Variants in MMRN1 observed in about 807,000 individuals in gnomAD.
MMRN1 encodes multimerin-1.
Under a neutral mutation model 100.7 loss-of-function variants are expected in MMRN1, and 94 were observed. The observed-to-expected ratio is 0.93, with a 90% CI of 0.79 to 1.11. MMRN1 has a LOEUF of 1.11. MMRN1 is among the 50% of genes least tolerant of loss of function. MMRN1 has a pLI of 0.00. For synonymous variants in MMRN1, 575 were observed against 505.0 expected, an observed-to-expected ratio of 1.14 and a Z score of -1.86; for missense variants, 1,606 against 1,439.1, an observed-to-expected ratio of 1.12 and a Z score of -1.88.
In MMRN1 at chr4:89,936,546, A is replaced by G. The variant is rs150863936; in HGVS notation, c.2866A>G (p.Ile956Val). Reference sequence around the variant, plus strand: ...GTGGATAAAACATTCCCTGCCAGATATTCAACTTCTTCAGAAAGGTCTAAC... The same window carrying G: ...GTGGATAAAACATTCCCTGCCAGATGTTCAACTTCTTCAGAAAGGTCTAAC... The part of the protein sequence containing the change: ...PKWIKHSLPD[I>V]QLLQKGLTEF... Residue 956 changes from isoleucine (I) to valine (V), a missense_variant, in exon 6 of 8, where the codon ATT (isoleucine) becomes GTT (valine). Physicochemically the swap from Ile to Val is conservative, Grantham distance 29. Transcript: ENST00000264790. 4.3e-6 allele frequency: 7 copies of G among 1,612,944 alleles called. No individual in the cohort carries two copies. In the East Asian group the frequency reaches 8.9e-5, roughly 21 times the overall value.
chr4:89,952,415 T>C (rs1398823375), intron 7 of MMRN1, among the ~76,000 whole-genome samples: 1 of 152,222 alleles, frequency 6.6e-6, no homozygotes, highest in Admixed American at 6.5e-5. Flanking sequence ...TTTTTCTTAA[T>C]AATATCCTGC....
intron 7 of MMRN1, 108 bp from the exon 8 acceptor site, chr4:89,952,888 CT>C: frequency 1.8e-6 from 2 of 1,092,750 alleles, no homozygotes; most frequent in Non-Finnish European, 2.6e-6. Context: ...GATGGCCTTT[CT>C]CTTCTGCTAA....
Position 89,944,480 on chromosome 4 carries a change from A to G in MMRN1, c.3119-7125A>G, listed in dbSNP as rs569778871. ...CCAAAAAATTAAAAAATATTTAAAT[A>G]TGAGACTTTTAACAGACAATGATGA... On this transcript the variant is annotated intron_variant, in intron 6 of 7. Coordinates refer to ENST00000264790, the MANE Select transcript of MMRN1 (RefSeq NM_007351.3). Among the ~76,000 whole-genome samples the G allele has an allele frequency of 1.7e-4, 26 of 152,358 alleles. No individual in the cohort carries two copies. The South Asian group carries it at 3.5e-3, about 21-fold the overall frequency.
chr4:89,946,413 T>C (rs1722987631), intron 6 of MMRN1, among the ~76,000 whole-genome samples: 1 of 152,182 alleles, frequency 6.6e-6, no homozygotes, highest in Admixed American at 6.5e-5. Flanking sequence ...ATTTTGATGC[T>C]AAAGTAGAAG....
intron 6 of MMRN1, among the ~76,000 whole-genome samples, chr4:89,940,072 C>T (rs1187650822): frequency 6.6e-6 from 1 of 152,120 alleles, no homozygotes; most frequent in Non-Finnish European, 1.5e-5. Flanking sequence ...TATTCTGGTT[C>T]AATTGCTAAA....
chr4:89,910,226 T>G (rs1181703072), intron 2 of MMRN1, among the ~76,000 whole-genome samples: 2 of 151,370 alleles, frequency 1.3e-5, no homozygotes, highest in Non-Finnish European at 3.0e-5. Flanking sequence ...TCTTAGGGAT[T>G]TGGGAGAGCT....
intron 3 of MMRN1, among the ~76,000 whole-genome samples, chr4:89,918,337 T>C (rs1208469635): frequency 1.3e-5 from 2 of 151,720 alleles, no homozygotes; most frequent in African/African-American, 4.8e-5. Flanking sequence ...GAGTGTCATC[T>C]CTGAAAATCA....
intron 1 of MMRN1, among the ~76,000 whole-genome samples, chr4:89,898,810 T>C (rs763443): frequency 0.59 from 89,015 of 151,830 alleles, 26,757 homozygotes; most frequent in East Asian, 0.78. Flanking sequence ...GCCTTTCTAA[T>C]CGCTCCTACA....
At position 89,936,567 on chromosome 4, in the gene MMRN1, C is replaced by G. The variant is rs1722648401; in HGVS notation, c.2887C>G (p.Leu963Val). The change falls in exon 6 of 8, where the codon CTA (leucine) becomes GTA (valine). Residue 963 changes from leucine to valine, a missense_variant. Coordinates refer to ENST00000264790, the MANE Select transcript of MMRN1 (RefSeq NM_007351.3). ...LPDIQLLQKG[L>V]TEFVEPIIQI... ...AGATATTCAACTTCTTCAGAAAGGT[C>G]TAACAGAATTTGTGGAACCAATAAT... 1.2e-6 allele frequency: 2 copies of G among 1,612,404 alleles called. No individual in the cohort carries two copies. The highest frequency in any genetic ancestry group is 1.7e-6 in the Non-Finnish European group (2 of 1,179,458).
intron 3 of MMRN1, among the ~76,000 whole-genome samples, chr4:89,917,188 T>C (rs568992695): frequency 6.6e-6 from 1 of 151,950 alleles, no homozygotes; most frequent in South Asian, 2.1e-4. Flanking sequence ...AAAACATTGT[T>C]ATAATCTTCA....
At chr4:89,905,552 G>A (rs1721540983) in intron 1 of MMRN1, among the ~76,000 whole-genome samples, 1 of 151,484 alleles carries the variant, frequency 6.6e-6, no homozygotes, top group African/African-American at 2.4e-5. Flanking sequence ...GCATGGGTGG[G>A]TATTAGGTGA....
intron 7 of MMRN1, among the ~76,000 whole-genome samples, chr4:89,952,767 G>A (rs1168011516): frequency 6.6e-6 from 1 of 152,070 alleles, no homozygotes; most frequent in Non-Finnish European, 1.5e-5. Flanking sequence ...TTTTTATTCT[G>A]TCCTGATCTA....
chr4:89,953,004 C>CAA lies in MMRN1; in HGVS notation c.3275_3276dup (p.Gly1093LysfsTer20), dbSNP rs999909621. 1.9e-6 allele frequency: 3 copies of CAA among 1,543,728 alleles called. No individual in the cohort carries two copies. In the African/African-American group the frequency reaches 4.2e-5, roughly 21 times the overall value. On this transcript the variant is annotated frameshift_variant, in exon 8 of 8. Transcript: ENST00000264790. LOFTEE classifies it high-confidence loss of function. ...CATTTTTTCCTCTAACAGATTTTTC[C>CAA]AAAGGATCTTACAGATATGCACCCA...
chr4:89,928,086 G>A, intron 5 of MMRN1, 118 bp downstream of exon 5: 1 of 747,060 alleles, frequency 1.3e-6, no homozygotes, highest in Non-Finnish European at 2.0e-6. Flanking sequence ...GGAAACCTAA[G>A]AAAGATTTTT....
intron 3 of MMRN1, among the ~76,000 whole-genome samples, chr4:89,916,095 T>C (rs1247324072): frequency 6.6e-6 from 1 of 151,722 alleles, no homozygotes; most frequent in African/African-American, 2.4e-5. Flanking sequence ...TCCTATCAGC[T>C]CTTTGCTGTG....
rs957890361 is a variant in MMRN1 at position 89,895,470 on chromosome 4, G to A, written c.499G>A (p.Gly167Ser). ...NTVGGTGGIG[G>S]VGGTGGVGNR... ...AGTTGGAGGCACTGGAGGCATTGGA[G>A]GCGTTGGAGGCACTGGAGGCGTGGG... The change falls in exon 1 of 8, where the codon GGC becomes AGC. Residue 167 changes from glycine to serine, a missense_variant. By Grantham distance (56) the Gly-to-Ser change is moderately conservative. Transcript: ENST00000264790. The A allele has an allele frequency of 3.7e-6, 6 of 1,613,688 alleles. No homozygotes were observed. In the African/African-American group the frequency reaches 8.0e-5, roughly 22 times the overall value.
chr4:89,886,515 T>A (rs569715760), intron 1 of MMRN1, among the ~76,000 whole-genome samples: 5 of 152,146 alleles, frequency 3.3e-5, no homozygotes, highest in African/African-American at 1.2e-4. Flanking sequence ...GTATGTGTTC[T>A]GTAGTTGTTG....
At chr4:89,905,542 G>T (rs1261234495) in intron 1 of MMRN1, among the ~76,000 whole-genome samples, 2 of 151,556 alleles carry the variant, frequency 1.3e-5, no homozygotes, top group East Asian at 3.9e-4. Context: ...AGTCAGAGAC[G>T]CATGGGTGGG....
At position 89,934,893 on chromosome 4, in the gene MMRN1, A is replaced by T; in HGVS notation, c.1213A>T (p.Thr405Ser). The change falls in exon 6 of 8, where the codon ACT becomes TCT. Residue 405 changes from threonine (T) to serine (S), a missense_variant. Thr to Ser is a moderately conservative substitution (Grantham distance 58). Transcript: ENST00000264790. ...FKIFQNDMQE[T>S]VAQLFKTVSS... Reference sequence around the variant, plus strand: ...AATTTTTCAAAATGACATGCAAGAGACTGTAGCACAGCTCTTCAAGACTGT... The same window carrying T: ...AATTTTTCAAAATGACATGCAAGAGTCTGTAGCACAGCTCTTCAAGACTGT... 6.2e-7 allele frequency: 1 copy of T among 1,604,498 alleles called. No individual in the cohort carries two copies. Among genetic ancestry groups the T allele is most frequent in the African/African-American group, 1.3e-5 (1 of 74,352 alleles).
Sources: gnomAD v4.1 joint callset for allele counts (sites outside exome capture counted in the v4.1 genomes callset) on GRCh38, gnomAD v4.1.1 for gene constraint, MANE v1.5 for transcripts, NCBI Gene and HGNC (gene_info 2026-07-23, HGNC 2026-07-21) for gene names.